PVT1: variants seen among roughly 807,000 people sequenced by gnomAD.
PVT1 encodes CXCR4/PVT1 fusion.
intron 4 of PVT1, among the ~76,000 whole-genome samples, chr8:128,055,101 C>T (rs1813747796): frequency 6.6e-6 from 1 of 152,176 alleles, no homozygotes. Context: ...TTAGACTTAA[C>T]AGTCCTCACA....
chr8:127,924,791 G>A (rs1212832353), intron 3 of PVT1, among the ~76,000 whole-genome samples: 3 of 151,852 alleles, frequency 2.0e-5, no homozygotes, highest in Non-Finnish European at 4.4e-5. Context: ...GATTACAGGT[G>A]TGAACCACCG....
At chr8:128,092,259 TACCAACAC>T (rs1814366017) in intron 5 of PVT1, among the ~76,000 whole-genome samples, 1 of 152,144 alleles carries the variant, frequency 6.6e-6, no homozygotes, top group Non-Finnish European at 1.5e-5. Flanking sequence ...AGTCCTGTAC[TACCAACAC>T]ACCAACCTTT....
chr8:127,851,856 G>A (rs927541333), intron 2 of PVT1: 2 of 152,390 alleles, frequency 1.3e-5, no homozygotes, highest in African/African-American at 2.4e-5. Context: ...GCTCCGGACT[G>A]GTTCATTGGA....
intron 3 of PVT1, among the ~76,000 whole-genome samples, chr8:127,977,325 G>A (rs1816832835): frequency 6.6e-6 from 1 of 152,118 alleles, no homozygotes; most frequent in Non-Finnish European, 1.5e-5. Context: ...CTCAAGTGTG[G>A]GTTCTGCCCC....
chr8:127,812,239 G>GC (rs1173292453), intron 2 of PVT1, among the ~76,000 whole-genome samples: 20 of 128,566 alleles, frequency 1.6e-4, no homozygotes, highest in African/African-American at 7.3e-4. Context: ...AGGCAGGAAG[G>GC]AAGGAAGGCA....
intron 4 of PVT1, among the ~76,000 whole-genome samples, chr8:128,012,365 T>G (rs1817324150): frequency 6.6e-6 from 1 of 152,220 alleles, no homozygotes; most frequent in East Asian, 1.9e-4. Context: ...TTGTTTTGCA[T>G]TTTGGTAAAT....
chr8:127,846,279 T>C (rs79272834), intron 2 of PVT1, among the ~76,000 whole-genome samples: 6,642 of 152,324 alleles, frequency 0.044, 518 homozygotes, highest in African/African-American at 0.15. Flanking sequence ...TGGCTTTTGT[T>C]GAGTCCCTGG....
intron 3 of PVT1, among the ~76,000 whole-genome samples, chr8:127,910,557 T>C (rs1024803731): frequency 6.6e-6 from 1 of 152,246 alleles, no homozygotes; most frequent in East Asian, 1.9e-4. Context: ...ATGAAGAACC[T>C]ACCAGTCAAA....
chr8:127,831,749 G>A (rs1040849513), intron 2 of PVT1, among the ~76,000 whole-genome samples: 3 of 152,156 alleles, frequency 2.0e-5, no homozygotes, highest in African/African-American at 7.2e-5. Flanking sequence ...CTAAGAGGTC[G>A]GGTAGAATGA....
chr8:127,954,260 T>A (rs1816542260), intron 3 of PVT1, among the ~76,000 whole-genome samples: 1 of 151,596 alleles, frequency 6.6e-6, no homozygotes, highest in Non-Finnish European at 1.5e-5. Context: ...GTTGTGGTTG[T>A]GTGACTGCTG....
In PVT1 at chr8:127,898,934, C is replaced by A. The variant is rs909831772; in HGVS notation, n.782+7936C>A. Reference sequence around the variant, plus strand: ...TGATTACTGGGAAGTGCAATGGACACCCCCACCCCCCGTTGACTTATCTGG... The same window carrying A: ...TGATTACTGGGAAGTGCAATGGACAACCCCACCCCCCGTTGACTTATCTGG... On this transcript the variant is annotated intron_variant and non_coding_transcript_variant, in intron 3 of 10. Coordinates refer to ENST00000651587, the Ensembl canonical transcript of PVT1. The surrounding 1 kb of genome is among the most constrained non-coding windows in gnomAD (Gnocchi z 4.4). Among the ~76,000 whole-genome samples the A allele has an allele frequency of 4.6e-5, 7 of 152,042 alleles. No homozygotes were observed. The highest frequency in any genetic ancestry group is 1.4e-4 in the African/African-American group (6 of 41,388).
At chr8:128,041,160 G>A (rs907208079) in intron 4 of PVT1, among the ~76,000 whole-genome samples, 4 of 150,044 alleles carry the variant, frequency 2.7e-5, no homozygotes, top group Non-Finnish European at 5.9e-5. Flanking sequence ...GCTTGTATGT[G>A]TGTTTCTGCA....
intron 2 of PVT1, among the ~76,000 whole-genome samples, chr8:127,798,246 G>A (rs183302945): frequency 4.6e-5 from 7 of 151,958 alleles, no homozygotes; most frequent in East Asian, 1.9e-4. Context: ...GGAGGTTGCC[G>A]GGAGCCGAGA....
chr8:127,879,167 C>T (rs1285511839), intron 2 of PVT1, among the ~76,000 whole-genome samples: 3 of 152,362 alleles, frequency 2.0e-5, no homozygotes, highest in South Asian at 2.1e-4. Context: ...GCTTCTTATC[C>T]TATGGCTCTG....
intron 4 of PVT1, among the ~76,000 whole-genome samples, chr8:128,052,740 G>A (rs1010585129): frequency 6.6e-6 from 1 of 152,212 alleles, no homozygotes; most frequent in Admixed American, 6.5e-5. Flanking sequence ...ATAAAAACCA[G>A]TGCTGTTGTC....
At chr8:127,887,202 A>T (rs1203833014) in intron 2 of PVT1, among the ~76,000 whole-genome samples, 2 of 152,090 alleles carry the variant, frequency 1.3e-5, no homozygotes, top group Non-Finnish European at 2.9e-5. Flanking sequence ...TGTTGCCTTG[A>T]TCTCTGTCCT....
chr8:128,073,402 G>A (rs1198142887), intron 5 of PVT1, among the ~76,000 whole-genome samples: 1 of 151,940 alleles, frequency 6.6e-6, no homozygotes, highest in African/African-American at 2.4e-5. Flanking sequence ...TTTTGACACA[G>A]GTCACCCGAT....
intron 3 of PVT1, among the ~76,000 whole-genome samples, chr8:127,943,377 A>C (rs1400956322): frequency 1.3e-5 from 2 of 152,232 alleles, no homozygotes; most frequent in Non-Finnish European, 2.9e-5. Context: ...CAAATGACTA[A>C]GTATTACTTT....
chr8:127,863,456 A>C (rs578230545), intron 2 of PVT1, among the ~76,000 whole-genome samples: 1 of 152,176 alleles, frequency 6.6e-6, no homozygotes, highest in South Asian at 2.1e-4. Flanking sequence ...TTGCCAAGGA[A>C]CTTCTCTCTT....
Sources: allele counts gnomAD v4.1 joint callset (sites outside exome capture counted in the v4.1 genomes callset), GRCh38; gene constraint gnomAD v4.1.1; non-coding constraint Gnocchi (gnomAD v3.1); transcripts MANE v1.5; gene names NCBI Gene and HGNC (gene_info 2026-07-23, HGNC 2026-07-21).